CPNE4: variants seen among roughly 807,000 people sequenced by gnomAD.
CPNE4 encodes copine-4.
Under a neutral mutation model 67.9 loss-of-function variants are expected in CPNE4, and 25 were observed. That is an observed-to-expected ratio of 0.37 (90% CI 0.27 to 0.51). CPNE4 has a LOEUF of 0.51. Among genes scored for constraint, CPNE4 ranks in the 20% least tolerant of loss-of-function variants. The pLI is 0.93. For missense variants in CPNE4, 464 were observed against 690.8 expected (o/e 0.67, Z 3.68); for synonymous variants, 242 against 244.9 (o/e 0.99, Z 0.11).
intron 2 of CPNE4, among the ~76,000 whole-genome samples, chr3:131,793,261 C>G (rs2083829016): frequency 6.6e-6 from 1 of 152,116 alleles, no homozygotes; most frequent in African/African-American, 2.4e-5. Flanking sequence ...CCACCCTTTC[C>G]TCTTTCAATC....
intron 8 of CPNE4, among the ~76,000 whole-genome samples, chr3:131,587,001 C>A (rs1185357758): frequency 6.6e-6 from 1 of 152,048 alleles, no homozygotes; most frequent in Non-Finnish European, 1.5e-5. Flanking sequence ...ATTAATGTCA[C>A]CAAATCATGG....
At chr3:131,839,568 C>G (rs1211866708) in intron 2 of CPNE4, among the ~76,000 whole-genome samples, 1 of 151,440 alleles carries the variant, frequency 6.6e-6, no homozygotes, top group East Asian at 1.9e-4. Flanking sequence ...ATATATTAAC[C>G]TGTTTATTTT....
intron 8 of CPNE4, 143 bp downstream of exon 8, chr3:131,587,341 A>G: frequency 1.6e-6 from 1 of 622,484 alleles, no homozygotes; most frequent in Admixed American, 2.6e-5. Flanking sequence ...TCTAGAATCT[A>G]GATACTCACA....
chr3:131,575,655 C>A (rs1272610334), intron 9 of CPNE4, among the ~76,000 whole-genome samples: 1 of 152,158 alleles, frequency 6.6e-6, no homozygotes, highest in East Asian at 1.9e-4. Context: ...TACTGAATGA[C>A]AGGTACTTAA....
At chr3:131,581,866 C>A (rs544290107) in intron 8 of CPNE4, among the ~76,000 whole-genome samples, 67 of 152,204 alleles carry the variant, frequency 4.4e-4, no homozygotes, top group African/African-American at 1.6e-3. Flanking sequence ...GGTTTGAACC[C>A]CAGCAACTCC....
intron 7 of CPNE4, among the ~76,000 whole-genome samples, chr3:131,664,736 G>A (rs2080215268): frequency 6.6e-6 from 1 of 152,068 alleles, no homozygotes; most frequent in Admixed American, 6.6e-5. Flanking sequence ...GAAGATAATG[G>A]AACCTACCTC....
chr3:131,812,315 T>C (rs887052146), intron 2 of CPNE4, among the ~76,000 whole-genome samples: 3 of 151,222 alleles, frequency 2.0e-5, no homozygotes, highest in Non-Finnish European at 4.4e-5. Context: ...ACTAAAGAGA[T>C]TGAACTTGGA....
chr3:131,647,461 C>T (rs762672551), intron 7 of CPNE4, among the ~76,000 whole-genome samples: 1 of 152,172 alleles, frequency 6.6e-6, no homozygotes, highest in African/African-American at 2.4e-5. Context: ...CCACCTTTTG[C>T]CTGCCCTCCA....
rs1045594956 is a variant in CPNE4 at position 131,637,560 on chromosome 3, T to C, written c.681+32115A>G. ...TGGGACTATGTTAAATGTCCAAACCTAAGAATAATTGGTGTTCCCAAGGAA... is the reference window on the plus strand; with the variant it reads ...TGGGACTATGTTAAATGTCCAAACCCAAGAATAATTGGTGTTCCCAAGGAA... On this transcript the variant is annotated intron_variant, in intron 7 of 15. Coordinates refer to ENST00000429747, the MANE Select transcript of CPNE4 (RefSeq NM_130808.3). Among the ~76,000 whole-genome samples the C allele has an allele frequency of 2.6e-5, 4 of 152,166 alleles. No homozygotes were observed. In the East Asian group the frequency reaches 7.7e-4, roughly 29 times the overall value.
At chr3:131,627,321 T>C (rs1464765830) in intron 7 of CPNE4, among the ~76,000 whole-genome samples, 1 of 152,228 alleles carries the variant, frequency 6.6e-6, no homozygotes, top group African/African-American at 2.4e-5. Flanking sequence ...AGCGTGGCTT[T>C]CTGAAAGTTT....
chr3:131,953,238 TTAAAAAAA>T lies in CPNE4; in HGVS notation c.-1-47802_-1-47795del, dbSNP rs1426659269. On this transcript the variant is annotated intron_variant, in intron 1 of 15. Transcript: ENST00000429747. ...GTGAGAAACACCCAAGAATGATCAA[TTAAAAAAA>T]AAAAAAAAAAAAAAAAAAAAGAATG... is the stretch of plus-strand genomic sequence containing the variant. Among the ~76,000 whole-genome samples, 59 of 75,698 alleles carry T rather than the reference TTAAAAAAA, an allele frequency of 7.8e-4. 1 individual carries two copies. Among genetic ancestry groups the T allele is most frequent in the African/African-American group, 2.9e-3 (58 of 20,154 alleles). The allele number at this position is 75,698 out of a possible 152,430, so 49.7% of individuals were successfully genotyped here. A position where few individuals can be genotyped will look rare whatever the true frequency, so the allele number is the denominator to read the frequency against.
chr3:131,649,445 C>T (rs1026738035), intron 7 of CPNE4, among the ~76,000 whole-genome samples: 2 of 152,100 alleles, frequency 1.3e-5, no homozygotes, highest in African/African-American at 4.8e-5. Context: ...CAGGGGAGGG[C>T]GGCCATGTGG....
chr3:131,653,987 G>T (rs756616821), intron 7 of CPNE4, among the ~76,000 whole-genome samples: 45 of 152,142 alleles, frequency 3.0e-4, no homozygotes, highest in Non-Finnish European at 5.9e-4. Flanking sequence ...TTAAGCGGTG[G>T]TTCTTTACTT....
At chr3:131,884,490 C>G (rs1044473283) in intron 2 of CPNE4, among the ~76,000 whole-genome samples, 5 of 152,248 alleles carry the variant, frequency 3.3e-5, no homozygotes, top group African/African-American at 1.2e-4. Context: ...TGGGCACCAG[C>G]AGGAGAGGAC....
chr3:131,602,353 T>C (rs1273578808), intron 7 of CPNE4, among the ~76,000 whole-genome samples: 2 of 152,158 alleles, frequency 1.3e-5, no homozygotes, highest in African/African-American at 4.8e-5. Flanking sequence ...CAATGCAGTA[T>C]TGCTGTAAGT....
chr3:131,900,512 A>G (rs972397110), intron 2 of CPNE4, among the ~76,000 whole-genome samples: 2 of 152,056 alleles, frequency 1.3e-5, no homozygotes, highest in East Asian at 3.9e-4. Context: ...AAAGAAAAAG[A>G]TTTAAGTCAA....
At chr3:131,581,703 A>G (rs1937847418) in intron 8 of CPNE4, 38 bp from the exon 9 acceptor site, 1 of 1,470,264 alleles carries the variant, frequency 6.8e-7, no homozygotes, top group Non-Finnish European at 9.5e-7. Flanking sequence ...CTGTTCAGGA[A>G]AAAGCTGAGT....
intron 6 of CPNE4, among the ~76,000 whole-genome samples, chr3:131,672,868 C>G (rs1604572): frequency 0.29 from 43,631 of 151,742 alleles, 6,537 homozygotes; most frequent in Non-Finnish European, 0.32. Context: ...TCCATTTTTG[C>G]TTGGTTGCTT....
intron 2 of CPNE4, among the ~76,000 whole-genome samples, chr3:131,904,708 C>G (rs993395401): frequency 2.6e-5 from 4 of 152,118 alleles, no homozygotes; most frequent in Non-Finnish European, 4.4e-5. Context: ...GACTGACTTG[C>G]TCATACCTGT....
Sources: gnomAD v4.1 joint callset for allele counts (sites outside exome capture counted in the v4.1 genomes callset) on GRCh38, gnomAD v4.1.1 for gene constraint, MANE v1.5 for transcripts, NCBI Gene and HGNC (gene_info 2026-07-23, HGNC 2026-07-21) for gene names.